The following NEK7 variants were observed in gnomAD, a reference collection of about 807,000 sequenced individuals.
NEK7 encodes the protein NIMA related kinase 7.
NEK7 carries 18 observed loss-of-function variants against 44.6 expected under a neutral mutation model. The observed-to-expected ratio is 0.40, with a 90% CI of 0.28 to 0.60. NEK7 has a LOEUF of 0.60. NEK7 is among the 20% of genes least tolerant of loss of function. The pLI, the probability that NEK7 is intolerant of heterozygous loss-of-function variation, is 0.38. For synonymous variants in NEK7, 130 were observed against 121.1 expected (o/e 1.07, Z -0.48); for missense variants, 256 against 366.5 (o/e 0.70, Z 2.46).
chr1:198,183,172 T>G (rs1422060066), intron 1 of NEK7, among the ~76,000 whole-genome samples: 1 of 152,168 alleles, frequency 6.6e-6, no homozygotes, highest in African/African-American at 2.4e-5. Context: ...ATAACTCCCA[T>G]CTGGAAAACC....
intron 7 of NEK7, among the ~76,000 whole-genome samples, chr1:198,289,972 A>G (rs1433581003): frequency 6.6e-6 from 1 of 152,224 alleles, no homozygotes; most frequent in African/African-American, 2.4e-5. Flanking sequence ...GTATATTTTA[A>G]TGTAATATTC....
At chr1:198,162,871 G>A (rs944466333) in intron 1 of NEK7, among the ~76,000 whole-genome samples, 8 of 152,022 alleles carry the variant, frequency 5.3e-5, no homozygotes, top group Non-Finnish European at 8.8e-5. Flanking sequence ...CAAGAGGCTT[G>A]GGGGGTTATA....
intron 1 of NEK7, among the ~76,000 whole-genome samples, chr1:198,200,344 T>C (rs1049605570): frequency 3.3e-5 from 5 of 152,180 alleles, no homozygotes; most frequent in Non-Finnish European, 7.3e-5. Context: ...CTTGGCCAGC[T>C]TGCTTTTTTT....
intron 9 of NEK7, among the ~76,000 whole-genome samples, chr1:198,312,897 G>GA (rs1006012145): frequency 7.2e-5 from 11 of 152,130 alleles, no homozygotes; most frequent in Middle Eastern, 3.2e-3. Flanking sequence ...GCGTGGTGCT[G>GA]AAAAAAATGT....
At chr1:198,164,442 T>A (rs1035360721) in intron 1 of NEK7, among the ~76,000 whole-genome samples, 1 of 152,178 alleles carries the variant, frequency 6.6e-6, no homozygotes, top group Non-Finnish European at 1.5e-5. Context: ...CCTAGCTCTA[T>A]ACAGGCATTA....
At chr1:198,310,828 T>G (rs1655160261) in intron 9 of NEK7, among the ~76,000 whole-genome samples, 1 of 152,046 alleles carries the variant, frequency 6.6e-6, no homozygotes, top group Admixed American at 6.5e-5. Flanking sequence ...CCATGCTGTT[T>G]TGGTTACTGT....
At chr1:198,185,405 T>A (rs927445750) in intron 1 of NEK7, among the ~76,000 whole-genome samples, 3 of 151,902 alleles carry the variant, frequency 2.0e-5, no homozygotes, top group Non-Finnish European at 2.9e-5. Flanking sequence ...ATATATATAT[T>A]TTTAACTTTA....
At chr1:198,192,969 A>G (rs894246226) in intron 1 of NEK7, among the ~76,000 whole-genome samples, 2 of 152,080 alleles carry the variant, frequency 1.3e-5, no homozygotes, top group Non-Finnish European at 2.9e-5. Context: ...ATCAGAGCAG[A>G]CCTGAAGAAG....
chr1:198,231,810 C>T (rs1369008467), intron 1 of NEK7, among the ~76,000 whole-genome samples: 1 of 151,986 alleles, frequency 6.6e-6, no homozygotes, highest in East Asian at 1.9e-4. Flanking sequence ...TTTAGTTGTT[C>T]CATCAGTTAA....
At chr1:198,162,772 A>G (rs940052267) in intron 1 of NEK7, among the ~76,000 whole-genome samples, 1 of 151,808 alleles carries the variant, frequency 6.6e-6, no homozygotes, top group Non-Finnish European at 1.5e-5. Context: ...TCAAAATTTA[A>G]TGGTTCCTAC....
At chr1:198,305,807 G>A (rs1655007742) in intron 9 of NEK7, among the ~76,000 whole-genome samples, 1 of 152,104 alleles carries the variant, frequency 6.6e-6, no homozygotes, top group Non-Finnish European at 1.5e-5. Flanking sequence ...GAAATGTGAA[G>A]GCAGATCCAT....
At chr1:198,174,831 C>T (rs1558041877) in intron 1 of NEK7, among the ~76,000 whole-genome samples, 2 of 151,946 alleles carry the variant, frequency 1.3e-5, no homozygotes, top group Non-Finnish European at 2.9e-5. Flanking sequence ...GATCATGGCT[C>T]ACTGCAGCCT....
At chr1:198,183,221 T>A (rs1664817876) in intron 1 of NEK7, among the ~76,000 whole-genome samples, 1 of 152,144 alleles carries the variant, frequency 6.6e-6, no homozygotes, top group South Asian at 2.1e-4. Context: ...AAACTTCAGA[T>A]TTTTCTTGAT....
chr1:198,198,969 G>T (rs1234864504), intron 1 of NEK7, among the ~76,000 whole-genome samples: 1 of 152,166 alleles, frequency 6.6e-6, no homozygotes, highest in Non-Finnish European at 1.5e-5. Context: ...TGCTTATGTG[G>T]GGGGCTATCC....
intron 9 of NEK7, among the ~76,000 whole-genome samples, chr1:198,313,290 TG>T (rs1261872380): frequency 2.6e-5 from 4 of 152,086 alleles, no homozygotes; most frequent in African/African-American, 4.8e-5. Context: ...TCGATTTGCT[TG>T]GTAGATCTTC....
At chr1:198,224,998 C>A (rs1050419890) in intron 1 of NEK7, among the ~76,000 whole-genome samples, 3 of 152,074 alleles carry the variant, frequency 2.0e-5, no homozygotes, top group South Asian at 2.1e-4. Context: ...AGGATAGATA[C>A]CTGCAGTGAA....
intron 7 of NEK7, among the ~76,000 whole-genome samples, chr1:198,286,727 A>G (rs1438326367): frequency 5.3e-5 from 8 of 152,108 alleles, no homozygotes; most frequent in Admixed American, 2.6e-4. Context: ...GGTTCAGTCC[A>G]TTTCTTGTCT....
At chr1:198,241,346 CATTTA>C (rs1281377038) in intron 2 of NEK7, among the ~76,000 whole-genome samples, 3 of 152,164 alleles carry the variant, frequency 2.0e-5, no homozygotes, top group African/African-American at 7.2e-5. Context: ...ATATAGAATA[CATTTA>C]ATCATGTCTT....
chr1:198,191,430 T>A lies in NEK7; in HGVS notation c.-29+34154T>A, dbSNP rs546508653. Among the ~76,000 whole-genome samples, 4 of 152,228 alleles carry A rather than the reference T, an allele frequency of 2.6e-5. No individual in the cohort carries two copies. The East Asian group carries it at 7.7e-4, about 29-fold the overall frequency. Reference sequence around the variant, plus strand: ...TGATGAGATTGAGAATATTTTCATATGCTCTTCTACAAATTACTTGTTAAT... The same window carrying A: ...TGATGAGATTGAGAATATTTTCATAAGCTCTTCTACAAATTACTTGTTAAT... On this transcript the variant is annotated intron_variant, in intron 1 of 9. Transcript: ENST00000367385.
Sources: gnomAD v4.1 joint callset for allele counts (sites outside exome capture counted in the v4.1 genomes callset) on GRCh38, gnomAD v4.1.1 for gene constraint, MANE v1.5 for transcripts, NCBI Gene and HGNC (gene_info 2026-07-23, HGNC 2026-07-21) for gene names.